Variants in LINGO2 observed in about 807,000 individuals in gnomAD.
LINGO2 encodes the protein leucine rich repeat and Ig domain containing 2.
A neutral mutation model predicts 30.6 loss-of-function variants in LINGO2; 14 were observed. The ratio of observed to expected loss-of-function variants is 0.46; its 90% CI spans 0.30 to 0.72. The LOEUF (loss-of-function observed/expected upper bound fraction) is 0.72, where lower values mean the gene tolerates loss of function less well. Ranked by LOEUF, LINGO2 falls within the 30% of genes least tolerant of loss-of-function variation. The pLI is 0.07. For synonymous variants in LINGO2, 317 were observed against 288.5 expected (o/e 1.10, Z -1.00); for missense variants, 729 against 751.7 (o/e 0.97, Z 0.35).
At chr9:28,880,328 T>C in the LINGO2 span, among the ~76,000 whole-genome samples, 1 of 152,320 alleles carries the variant, frequency 6.6e-6, no homozygotes, top group African/African-American at 2.4e-5. Flanking sequence ...GTTGTTAATT[T>C]GTAGCTTTGC....
chr9:28,017,241 A>G (rs1380339206), intron 4 of LINGO2, among the ~76,000 whole-genome samples: 11 of 152,186 alleles, frequency 7.2e-5, no homozygotes, highest in Non-Finnish European at 1.5e-5. Flanking sequence ...ATCATACTGA[A>G]CAGGCAAAAG....
At chr9:28,954,715 C>T in the LINGO2 span, among the ~76,000 whole-genome samples, 5 of 152,194 alleles carry the variant, frequency 3.3e-5, no homozygotes, top group South Asian at 2.1e-4. Flanking sequence ...CCATGGTACA[C>T]GGACAAGAAT....
At chr9:28,565,800 C>G (rs535071276) in intron 1 of LINGO2, among the ~76,000 whole-genome samples, 27 of 149,800 alleles carry the variant, frequency 1.8e-4, no homozygotes, top group African/African-American at 6.6e-4. Context: ...GTGATCCACC[C>G]GCCTCGGCCT....
At chr9:28,062,528 A>C (rs1411595269) in intron 4 of LINGO2, among the ~76,000 whole-genome samples, 2 of 142,282 alleles carry the variant, frequency 1.4e-5, no homozygotes, top group Non-Finnish European at 3.0e-5. Flanking sequence ...TTGTATATAC[A>C]TATACATATA....
At chr9:28,522,072 GT>G (rs1820850411) in intron 1 of LINGO2, among the ~76,000 whole-genome samples, 2 of 152,172 alleles carry the variant, frequency 1.3e-5, no homozygotes, top group Non-Finnish European at 2.9e-5. Flanking sequence ...CCAGTTCATG[GT>G]AATTTGTTAC....
At chr9:28,595,945 C>T (rs1413938355) in intron 1 of LINGO2, among the ~76,000 whole-genome samples, 1 of 152,024 alleles carries the variant, frequency 6.6e-6, no homozygotes, top group East Asian at 1.9e-4. Context: ...AAACACATTG[C>T]TTTTTTAAAA....
intron 1 of LINGO2, among the ~76,000 whole-genome samples, chr9:28,532,475 T>A (rs572020828): frequency 6.6e-6 from 1 of 152,256 alleles, no homozygotes; most frequent in Non-Finnish European, 1.5e-5. Flanking sequence ...GAGGCCTTTG[T>A]CACTTTTATT....
the LINGO2 span, among the ~76,000 whole-genome samples, chr9:28,990,579 C>G: frequency 6.6e-6 from 1 of 152,162 alleles, no homozygotes; most frequent in Admixed American, 6.5e-5. Context: ...CCCCTGACCC[C>G]TGAGCAGCCT....
At chr9:29,078,558 T>C in the LINGO2 span, among the ~76,000 whole-genome samples, 645 of 152,086 alleles carry the variant, frequency 4.2e-3, 2 homozygotes, top group African/African-American at 0.015. Context: ...TCATCTCCTA[T>C]GGTTTTCGGG....
At chr9:28,883,224 T>C in the LINGO2 span, among the ~76,000 whole-genome samples, 6 of 152,156 alleles carry the variant, frequency 3.9e-5, no homozygotes, top group African/African-American at 1.4e-4. Flanking sequence ...AGACGGAGTC[T>C]TGCTCTGTTG....
intron 1 of LINGO2, among the ~76,000 whole-genome samples, chr9:28,586,032 T>TG (rs1049020504): frequency 1.1e-4 from 3 of 27,340 alleles, no homozygotes; most frequent in African/African-American, 1.9e-4. Flanking sequence ...ATTAATTTTG[T>TG]TTTTTTTTGT....
chr9:28,613,021 A>G (rs570433034), intron 1 of LINGO2, among the ~76,000 whole-genome samples: 2 of 152,180 alleles, frequency 1.3e-5, no homozygotes, highest in South Asian at 2.1e-4. Context: ...TGTTGATTTT[A>G]TAAGTGTTTG....
At chr9:28,056,076 G>C (rs1052768591) in intron 4 of LINGO2, among the ~76,000 whole-genome samples, 2 of 152,170 alleles carry the variant, frequency 1.3e-5, no homozygotes, top group Non-Finnish European at 2.9e-5. Flanking sequence ...AAAAAAGAAA[G>C]GAGCTCCCCG....
chr9:28,495,787 T>C lies in LINGO2; in HGVS notation c.-364-19762A>G, dbSNP rs554630413. The stretch of plus-strand genomic sequence containing the variant: ...TTTAGATATTTCCTGCTTTCTCTTG[T>C]GGGCATTTAGTGCTATAAATTTCCC... On this transcript the variant is annotated intron_variant, in intron 1 of 5. Transcript: ENST00000379992. Among the ~76,000 whole-genome samples the C allele has an allele frequency of 2.6e-5, 4 of 152,334 alleles. No homozygotes were observed. In the South Asian group the frequency reaches 8.3e-4, roughly 32 times the overall value.
intron 1 of LINGO2, among the ~76,000 whole-genome samples, chr9:28,611,566 C>A (rs1825916129): frequency 6.6e-6 from 1 of 152,114 alleles, no homozygotes; most frequent in Non-Finnish European, 1.5e-5. Context: ...CATCCCATGG[C>A]AAATACCATT....
At chr9:28,778,835 C>T in the LINGO2 span, among the ~76,000 whole-genome samples, 1 of 152,072 alleles carries the variant, frequency 6.6e-6, no homozygotes, top group South Asian at 2.1e-4. Flanking sequence ...GAAGAGATAT[C>T]TATTGAAAAC....
the LINGO2 span, among the ~76,000 whole-genome samples, chr9:29,095,613 A>G: frequency 1.4e-5 from 2 of 138,560 alleles, no homozygotes; most frequent in Admixed American, 1.5e-4. Flanking sequence ...CTATTCTTCT[A>G]TCTTAAATCC....
the LINGO2 span, among the ~76,000 whole-genome samples, chr9:28,677,834 A>G: frequency 3.3e-5 from 5 of 152,114 alleles, no homozygotes; most frequent in Admixed American, 6.6e-5. Context: ...AATGGTAGGA[A>G]GATCAGGCAG....
intron 4 of LINGO2, among the ~76,000 whole-genome samples, chr9:28,213,093 T>G (rs1275356039): frequency 2.6e-5 from 4 of 151,542 alleles, no homozygotes; most frequent in Non-Finnish European, 5.9e-5. Flanking sequence ...CAATGACATT[T>G]GTAAGCAAAG....
Sources: allele counts gnomAD v4.1 joint callset (sites outside exome capture counted in the v4.1 genomes callset), GRCh38; gene constraint gnomAD v4.1.1; transcripts MANE v1.5; gene names NCBI Gene and HGNC (gene_info 2026-07-23, HGNC 2026-07-21).